Variants in SPAG17 observed in about 807,000 individuals in gnomAD.
SPAG17 encodes the protein sperm associated antigen 17.
Under a neutral mutation model 273.6 loss-of-function variants are expected in SPAG17, and 169 were observed. That is an observed-to-expected ratio of 0.62 (90% CI 0.55 to 0.70). The LOEUF (loss-of-function observed/expected upper bound fraction) is 0.70, where lower values mean the gene tolerates loss of function less well. SPAG17 is among the 30% of genes least tolerant of loss of function. The pLI is 0.00. For synonymous variants in SPAG17, 825 were observed against 873.2 expected (o/e 0.94, Z 0.97); for missense variants, 2,557 against 2,627.8 (o/e 0.97, Z 0.59).
At chr1:117,962,957 T>G (rs1653300210) in intron 48 of SPAG17, 1 of 152,250 alleles carries the variant, frequency 6.6e-6, no homozygotes, top group Non-Finnish European at 1.5e-5. Context: ...GGCTTACAGT[T>G]ACTGTCTGCA....
At chr1:118,033,942 T>C (rs1469274701) in intron 24 of SPAG17, among the ~76,000 whole-genome samples, 2 of 152,224 alleles carry the variant, frequency 1.3e-5, no homozygotes, top group Non-Finnish European at 2.9e-5. Flanking sequence ...ACAGATATTA[T>C]TGCTCTATTT....
At position 118,185,198 on chromosome 1, in the gene SPAG17, G is replaced by A. The variant is rs1315655507; in HGVS notation, c.-41C>T. The A allele has an allele frequency of 2.0e-6, 3 of 1,531,222 alleles. No homozygotes were observed. The highest frequency in any genetic ancestry group is 1.1e-5 in the South Asian group (1 of 89,370). The allele number at this position is 1,531,222 out of a possible 1,614,324, so 94.9% of individuals were successfully genotyped here. A position where few individuals can be genotyped will look rare whatever the true frequency, so the allele number is the denominator to read the frequency against. On this transcript the variant is annotated 5_prime_UTR_variant, in exon 1 of 49. Coordinates refer to ENST00000336338, the MANE Select transcript of SPAG17 (RefSeq NM_206996.4). ...AGCATTGGCCTCTAAACTGGGCGCA[G>A]GCCCTGCCTAAGCGTCCCCGCTACC...
intron 7 of SPAG17, among the ~76,000 whole-genome samples, chr1:118,097,256 A>G (rs544645733): frequency 2.0e-5 from 3 of 152,140 alleles, no homozygotes; most frequent in African/African-American, 7.2e-5. Flanking sequence ...GAATAAAAGC[A>G]AGGGCTTAGA....
intron 10 of SPAG17, among the ~76,000 whole-genome samples, chr1:118,087,675 C>T (rs1019606572): frequency 1.2e-4 from 19 of 152,140 alleles, no homozygotes; most frequent in African/African-American, 4.6e-4. Context: ...GTGCCTTGTT[C>T]AATTTTTCAT....
Position 117,982,811 on chromosome 1 carries a change from A to T in SPAG17, c.5872+1000T>A, listed in dbSNP as rs1655985968. Reference sequence around the variant, plus strand: ...CAATCAAAGCTTAGGTTTCACATTCAGTTTTTATATCACTTTAGTCTGTTT... The same window carrying T: ...CAATCAAAGCTTAGGTTTCACATTCTGTTTTTATATCACTTTAGTCTGTTT... On this transcript the variant is annotated intron_variant, in intron 42 of 48. Coordinates refer to ENST00000336338, the MANE Select transcript of SPAG17 (RefSeq NM_206996.4). Among the ~76,000 whole-genome samples, 5 of 152,126 alleles carry T rather than the reference A, an allele frequency of 3.3e-5. No homozygotes were observed. The South Asian group carries it at 1.0e-3, about 31-fold the overall frequency.
intron 28 of SPAG17, among the ~76,000 whole-genome samples, chr1:118,016,937 T>A (rs183336861): frequency 1.3e-5 from 2 of 152,344 alleles, no homozygotes; most frequent in East Asian, 3.9e-4. Context: ...GACAGTGTTA[T>A]CACATCTCAA....
chr1:118,149,924 G>A (rs899244417), intron 3 of SPAG17, among the ~76,000 whole-genome samples: 10 of 152,142 alleles, frequency 6.6e-5, no homozygotes, highest in African/African-American at 2.4e-4. Flanking sequence ...CCCCTTATAC[G>A]GAGAATGAGT....
rs866021498 is a variant in SPAG17 at position 117,988,304 on chromosome 1, T to C, written c.5522-100A>G. ...ATTTGAGATGCCTGTTAAGAGCCTA[T>C]ATAGTTAATCTATCAAGTGTTTACT... is the stretch of plus-strand genomic sequence containing the variant. On this transcript the variant is annotated intron_variant, in intron 38 of 48. Transcript: ENST00000336338. The C allele has an allele frequency of 9.1e-6, 7 of 771,528 alleles. No homozygotes were observed. The Middle Eastern group carries it at 1.2e-3, about 133-fold the overall frequency. The allele number at this position is 771,528 out of a possible 1,614,324, so 47.8% of individuals were successfully genotyped here.
chr1:118,060,963 G>A (rs543107233), intron 18 of SPAG17, among the ~76,000 whole-genome samples: 54 of 152,174 alleles, frequency 3.5e-4, no homozygotes, highest in African/African-American at 1.2e-3. Flanking sequence ...ACTAATCATC[G>A]AGGACTTGCA....
chr1:117,966,391 A>G (rs1053019235), intron 47 of SPAG17: 43 of 398,348 alleles, frequency 1.1e-4, no homozygotes, highest in Non-Finnish European at 1.0e-4. Flanking sequence ...CATTTATTCA[A>G]TCTGAAGTTA....
At chr1:118,142,227 G>A (rs1158059520) in intron 3 of SPAG17, among the ~76,000 whole-genome samples, 1 of 152,162 alleles carries the variant, frequency 6.6e-6, no homozygotes. Context: ...GGCACAACAA[G>A]ACAAATACTA....
chr1:118,115,628 T>C (rs1283947137), intron 3 of SPAG17, among the ~76,000 whole-genome samples, 187 bp from the exon 4 acceptor site: 1 of 152,202 alleles, frequency 6.6e-6, no homozygotes, highest in Admixed American at 6.5e-5. Flanking sequence ...ATTTACCCTC[T>C]ACTTTAAATA....
intron 3 of SPAG17, among the ~76,000 whole-genome samples, chr1:118,122,617 T>A (rs536335737): frequency 6.6e-6 from 1 of 152,268 alleles, no homozygotes; most frequent in African/African-American, 2.4e-5. Context: ...ATCAAAGGGA[T>A]CTGCAGACAT....
intron 30 of SPAG17, 152 bp from the exon 31 acceptor site, chr1:118,008,350 A>AACCCTGTGGAGTT: frequency 3.7e-6 from 3 of 803,258 alleles, no homozygotes; most frequent in South Asian, 1.8e-5. Flanking sequence ...TGAGAACTCC[A>AACCCTGTGGAGTT]CAGGGTTGGA....
Position 118,135,411 on chromosome 1 carries a change from A to ATG in SPAG17, c.315+15130_315+15131dup, listed in dbSNP as rs1296722404. On this transcript the variant is annotated intron_variant, in intron 3 of 48. Coordinates refer to ENST00000336338, the MANE Select transcript of SPAG17 (RefSeq NM_206996.4). Reference sequence around the variant, plus strand: ...TGTGTGTGTGTGTGTGTGTGTGTGTATGTGTGTGTGTGTGTGTGTGGGGTA... The same window carrying ATG: ...TGTGTGTGTGTGTGTGTGTGTGTGTATGTGTGTGTGTGTGTGTGTGTGGGGTA... Among the ~76,000 whole-genome samples the ATG allele has an allele frequency of 4.5e-3, 374 of 83,142 alleles. 1 individual carries two copies. The highest frequency in any genetic ancestry group is 0.025 in the South Asian group (63 of 2,518). The allele number at this position is 83,142 out of a possible 152,430, so 54.5% of individuals were successfully genotyped here.
chr1:118,068,139 T>A (rs895105940), intron 17 of SPAG17, among the ~76,000 whole-genome samples: 4 of 150,702 alleles, frequency 2.7e-5, no homozygotes, highest in Admixed American at 6.6e-5. Flanking sequence ...AGGCATGGAG[T>A]GATATATATA....
At position 118,054,041 on chromosome 1, in the gene SPAG17, CT is replaced by C. The variant is rs1454368426; in HGVS notation, c.2774del (p.Glu925GlyfsTer9). The C allele has an allele frequency of 6.2e-7, 1 of 1,608,642 alleles. No individual in the cohort carries two copies. The highest frequency in any genetic ancestry group is 8.5e-7 in the Non-Finnish European group (1 of 1,177,576). On this transcript the variant is annotated frameshift_variant, in exon 20 of 49. Coordinates refer to ENST00000336338, the MANE Select transcript of SPAG17 (RefSeq NM_206996.4). LOFTEE classifies it high-confidence loss of function. ...TEISDQEKEK[E>X]KEKIPFILEG... ...CTAAAATGAAAGGAATCTTTTCCTT[CT>C]CTTTTTCTTTTTCTTGATCTGATAT...
At chr1:118,111,728 T>C (rs1656773249) in intron 4 of SPAG17, among the ~76,000 whole-genome samples, 1 of 152,158 alleles carries the variant, frequency 6.6e-6, no homozygotes, top group Non-Finnish European at 1.5e-5. Context: ...GGCTTCATCA[T>C]GATGTATTAT....
intron 44 of SPAG17, among the ~76,000 whole-genome samples, chr1:117,972,615 A>T (rs1294772721): frequency 1.3e-5 from 2 of 152,164 alleles, no homozygotes; most frequent in African/African-American, 4.8e-5. Flanking sequence ...CATGCCCTAC[A>T]CCAGATCTAG....
Sources: gnomAD v4.1 joint callset for allele counts (sites outside exome capture counted in the v4.1 genomes callset) on GRCh38, gnomAD v4.1.1 for gene constraint, MANE v1.5 for transcripts, NCBI Gene and HGNC (gene_info 2026-07-23, HGNC 2026-07-21) for gene names.